PABPC4L: variants seen among roughly 807,000 people sequenced by gnomAD.
PABPC4L encodes the protein polyadenylate-binding protein 4-like.
For synonymous variants in PABPC4L, 169 were observed against 164.1 expected (o/e 1.03, Z -0.23); for missense variants, 452 against 451.4 (o/e 1.00, Z -0.01).
chr4:134,175,920 T>G, the PABPC4L span, among the ~76,000 whole-genome samples: 8 of 150,794 alleles, frequency 5.3e-5, no homozygotes, highest in Non-Finnish European at 1.0e-4. Context: ...TAAAATAGTC[T>G]TGTCTTAACT....
chr4:134,111,206 C>T, the PABPC4L span, among the ~76,000 whole-genome samples: 1 of 151,954 alleles, frequency 6.6e-6, no homozygotes, highest in Non-Finnish European at 1.5e-5. Flanking sequence ...GCAAAAGGGG[C>T]AAACTCCCTT....
the PABPC4L span, among the ~76,000 whole-genome samples, chr4:134,092,109 G>A: frequency 6.6e-6 from 1 of 151,964 alleles, no homozygotes; most frequent in African/African-American, 2.4e-5. Flanking sequence ...GAAATACTGG[G>A]TAGAGGGGGG....
chr4:133,964,577 C>T, the PABPC4L span, among the ~76,000 whole-genome samples: 14 of 152,152 alleles, frequency 9.2e-5, 1 homozygote, highest in South Asian at 1.7e-3. Flanking sequence ...TGATACAGTA[C>T]TAGCTAACTG....
At chr4:134,066,904 G>A in the PABPC4L span, among the ~76,000 whole-genome samples, 2 of 152,026 alleles carry the variant, frequency 1.3e-5, no homozygotes, top group Admixed American at 1.3e-4. Context: ...TAATCATGGT[G>A]GATTAGCTTT....
the PABPC4L span, among the ~76,000 whole-genome samples, chr4:134,100,597 A>G: frequency 6.6e-6 from 1 of 151,594 alleles, no homozygotes; most frequent in African/African-American, 2.4e-5. Flanking sequence ...AAGTCTAAGG[A>G]AAAGAAACAT....
chr4:134,087,108 C>T, the PABPC4L span, among the ~76,000 whole-genome samples: 1 of 151,988 alleles, frequency 6.6e-6, no homozygotes, highest in South Asian at 2.1e-4. Flanking sequence ...ATAAATCATG[C>T]TGCTATAAAG....
At chr4:134,078,964 G>C in the PABPC4L span, among the ~76,000 whole-genome samples, 1 of 132,424 alleles carries the variant, frequency 7.6e-6, no homozygotes, top group East Asian at 2.2e-4. Flanking sequence ...CACCGTGCCC[G>C]GGCTTTTTTT....
At chr4:134,162,346 C>G in the PABPC4L span, among the ~76,000 whole-genome samples, 1 of 152,040 alleles carries the variant, frequency 6.6e-6, no homozygotes, top group Non-Finnish European at 1.5e-5. Flanking sequence ...CCTAACTCTG[C>G]AGCTCCCAGA....
At chr4:133,970,685 C>A in the PABPC4L span, among the ~76,000 whole-genome samples, 124 of 152,180 alleles carry the variant, frequency 8.1e-4, no homozygotes, top group African/African-American at 2.9e-3. Context: ...GAAATTCTAA[C>A]CCTCAAGGTG....
the PABPC4L span, among the ~76,000 whole-genome samples, chr4:134,129,685 G>C: frequency 8.6e-5 from 13 of 151,720 alleles, no homozygotes; most frequent in African/African-American, 3.1e-4. Context: ...TAATTAAACT[G>C]AATGATAATA....
the PABPC4L span, among the ~76,000 whole-genome samples, chr4:134,177,758 A>T: frequency 1.3e-5 from 2 of 152,084 alleles, no homozygotes; most frequent in East Asian, 3.9e-4. Flanking sequence ...AGAGGTAACC[A>T]GGTAGGCAGG....
the PABPC4L span, among the ~76,000 whole-genome samples, chr4:134,116,786 G>T: frequency 6.6e-6 from 1 of 151,598 alleles, no homozygotes; most frequent in South Asian, 2.1e-4. Flanking sequence ...CACCCAACCA[G>T]ATCTCAATAA....
At chr4:134,018,699 T>A in the PABPC4L span, among the ~76,000 whole-genome samples, 1 of 152,170 alleles carries the variant, frequency 6.6e-6, no homozygotes, top group East Asian at 1.9e-4. Flanking sequence ...TCATTGAAAT[T>A]TCATTTTAAA....
chr4:134,175,059 A>G, the PABPC4L span, among the ~76,000 whole-genome samples: 1 of 152,196 alleles, frequency 6.6e-6, no homozygotes, highest in African/African-American at 2.4e-5. Flanking sequence ...ACCTTCATTC[A>G]GAACAGAATT....
the PABPC4L span, among the ~76,000 whole-genome samples, chr4:134,145,393 C>T: frequency 3.0e-4 from 45 of 151,766 alleles, no homozygotes; most frequent in Admixed American, 1.6e-3. Flanking sequence ...AAAAGAAAAG[C>T]GGTAAGCCTC....
chr4:134,142,760 T>C, the PABPC4L span, among the ~76,000 whole-genome samples: 1 of 151,638 alleles, frequency 6.6e-6, no homozygotes, highest in Admixed American at 6.6e-5. Context: ...CACTCAAACA[T>C]ACCTCTTACT....
At chr4:134,161,812 A>G in the PABPC4L span, among the ~76,000 whole-genome samples, 1 of 152,148 alleles carries the variant, frequency 6.6e-6, no homozygotes, top group Non-Finnish European at 1.5e-5. Flanking sequence ...AAGCTCATAT[A>G]TTTCATAGAA....
At chr4:134,032,720 G>A in the PABPC4L span, among the ~76,000 whole-genome samples, 4 of 151,734 alleles carry the variant, frequency 2.6e-5, no homozygotes, top group Non-Finnish European at 5.9e-5. Context: ...GTTACAGAAT[G>A]AATAAAGAAC....
chr4:134,069,609 G>A, the PABPC4L span, among the ~76,000 whole-genome samples: 2 of 152,108 alleles, frequency 1.3e-5, no homozygotes, highest in Admixed American at 1.3e-4. Context: ...GGTCAATTCT[G>A]CTGTTAATAC....
Sources: allele counts gnomAD v4.1 joint callset (sites outside exome capture counted in the v4.1 genomes callset), GRCh38; gene constraint gnomAD v4.1.1; transcripts MANE v1.5; gene names NCBI Gene and HGNC (gene_info 2026-07-23, HGNC 2026-07-21).